Variants in SAMD4B observed in about 807,000 individuals in gnomAD.
SAMD4B encodes the protein sterile alpha motif domain containing 4B, also known as protein Smaug homolog 2.
In SAMD4B, 5 loss-of-function variants were observed where a neutral mutation model predicts 74.5. That is an observed-to-expected ratio of 0.07 (90% CI 0.04 to 0.14). The LOEUF (loss-of-function observed/expected upper bound fraction) is 0.14. Among genes scored for constraint, SAMD4B ranks in the 10% least tolerant of loss-of-function variants. The probability of loss-of-function intolerance (pLI) is 1.00; values close to 1 mark genes in which losing one functional copy is unlikely to be tolerated. For synonymous variants in SAMD4B, 373 were observed against 374.9 expected (o/e 1.00, Z 0.06); for missense variants, 608 against 921.8 (o/e 0.66, Z 4.41).
rs1291361245 is a variant in SAMD4B at position 39,385,486 on chromosome 19, G to A, written c.*1959G>A. 15 of 446,408 alleles carry A rather than the reference G, an allele frequency of 3.4e-5. No individual in the cohort carries two copies. The highest frequency in any genetic ancestry group is 5.1e-5 in the Non-Finnish European group (13 of 254,350). The allele number at this position is 446,408 out of a possible 1,614,324, so 27.7% of individuals were successfully genotyped here. The stretch of plus-strand genomic sequence containing the variant: ...CAGGCGGCCCCACTCTGATGGGCAG[G>A]ACCCTGACCCTCTCCCGCTCCAGCC... On this transcript the variant is annotated 3_prime_UTR_variant, in exon 14 of 14. Coordinates refer to ENST00000610417, the MANE Select transcript of SAMD4B (RefSeq NM_001384574.2).
chr19:39,343,612 C>T (rs959798903), intron 1 of SAMD4B, among the ~76,000 whole-genome samples: 1 of 151,658 alleles, frequency 6.6e-6, no homozygotes, highest in Non-Finnish European at 1.5e-5. Context: ...CTAGAGATCA[C>T]CCTCATGTAG....
intron 8 of SAMD4B, 115 bp downstream of exon 8, chr19:39,377,939 G>T: frequency 2.0e-6 from 2 of 1,025,198 alleles, no homozygotes; most frequent in Non-Finnish European, 2.8e-6. Context: ...AAGCCTACTG[G>T]AGACTGGAAC....
chr19:39,346,068 C>T (rs1031625201), intron 1 of SAMD4B, among the ~76,000 whole-genome samples: 1 of 152,114 alleles, frequency 6.6e-6, no homozygotes, highest in African/African-American at 2.4e-5. Flanking sequence ...GAGCTCTTGG[C>T]ATTTTTTCAA....
chr19:39,366,161 T>C (rs185089211), intron 3 of SAMD4B, among the ~76,000 whole-genome samples: 5 of 152,168 alleles, frequency 3.3e-5, no homozygotes, highest in African/African-American at 4.8e-5. Flanking sequence ...ACTAAAAATA[T>C]AAAAATTAGC....
intron 1 of SAMD4B, chr19:39,350,931 G>GTT (rs2076005099): frequency 6.6e-6 from 1 of 152,112 alleles, no homozygotes; most frequent in African/African-American, 2.4e-5. Context: ...TGTAGAAACG[G>GTT]TTTTGCCATG....
At chr19:39,358,826 T>A (rs773918064) in intron 3 of SAMD4B, among the ~76,000 whole-genome samples, 2 of 152,290 alleles carry the variant, frequency 1.3e-5, no homozygotes, top group Non-Finnish European at 2.9e-5. Context: ...GAAACAAGCA[T>A]GGACTGCTAG....
At chr19:39,356,259 G>T (rs1042274397) in intron 2 of SAMD4B, among the ~76,000 whole-genome samples, 1 of 152,186 alleles carries the variant, frequency 6.6e-6, no homozygotes, top group African/African-American at 2.4e-5. Context: ...TCTCAGAGAA[G>T]GTGGCCAGAA....
At chr19:39,390,262 C>A, downstream of SAMD4B, 2 of 1,613,822 alleles carry the variant, frequency 1.2e-6, no homozygotes, top group South Asian at 1.1e-5. Context: ...GGGCTCACCT[C>A]TCAGGCAGAG....
chr19:39,342,439 G>T lies in SAMD4B; in HGVS notation c.-404G>T. 5.6e-6 allele frequency: 1 copy of T among 179,050 alleles called. No individual in the cohort carries two copies. The highest frequency in any genetic ancestry group is 1.1e-5 in the Non-Finnish European group (1 of 89,356). 11.1% of individuals were successfully genotyped at this position (179,050 alleles called of 1,614,324 possible). On this transcript the variant is annotated 5_prime_UTR_variant, in exon 1 of 14. Coordinates refer to ENST00000610417, the MANE Select transcript of SAMD4B (RefSeq NM_001384574.2). ...GTGACGCACGGCGCGGTGACGCAGC[G>T]CGACGGCGGCGGCGGCGGCGGCGGC...
In SAMD4B at chr19:39,375,822, C is replaced by T. The variant is rs1236055366; in HGVS notation, c.840C>T (p.Gly280=). The T allele has an allele frequency of 6.2e-7, 1 of 1,613,670 alleles. No homozygotes were observed. The highest frequency in any genetic ancestry group is 8.5e-7 in the Non-Finnish European group (1 of 1,180,034). The change falls in exon 5 of 14, where the codon GGC becomes GGT. Residue 280 remains glycine, a synonymous_variant. Transcript: ENST00000610417. The surrounding 1 kb of genome is among the most constrained non-coding windows in gnomAD (Gnocchi z 4.1). ...CCCAGAGCAGCGTGGCCTCCTCTGG[C>T]AGTGAGCAGACAGAGGAGCAGGGCT... ...LSPQSSVASS[G]SEQTEEQGSS...
intron 1 of SAMD4B, chr19:39,351,224 T>A (rs1218334502): frequency 6.6e-6 from 1 of 152,282 alleles, no homozygotes; most frequent in African/African-American, 2.4e-5. Context: ...GCTCAAGCGA[T>A]CCACCCGCCC....
At chr19:39,357,200 G>T in intron 3 of SAMD4B, 111 bp downstream of exon 3, 2 of 919,726 alleles carry the variant, frequency 2.2e-6, no homozygotes, top group South Asian at 2.0e-5. Flanking sequence ...TGGGTTCTAG[G>T]CTTGGTGGGT....
chr19:39,373,825 G>A (rs777213168), intron 4 of SAMD4B, among the ~76,000 whole-genome samples: 2 of 151,982 alleles, frequency 1.3e-5, no homozygotes, highest in Non-Finnish European at 2.9e-5. Context: ...TTAGCCAGGC[G>A]TGGTGGTGGG....
Position 39,372,274 on chromosome 19 carries a change from T to C in SAMD4B, c.667+2149T>C, listed in dbSNP as rs76383458. Among the ~76,000 whole-genome samples, 1,069 of 152,300 alleles carry C rather than the reference T, an allele frequency of 7.0e-3. 8 individuals are homozygous for C. The highest frequency in any genetic ancestry group is 0.024 in the African/African-American group (1,012 of 41,554). On this transcript the variant is annotated intron_variant, in intron 4 of 13. Coordinates refer to ENST00000610417, the MANE Select transcript of SAMD4B (RefSeq NM_001384574.2). ...TAATAACAGTAGCAGAGACTTGTGC[T>C]TACCGTGTGCCTATCCCTCTGCTAA...
chr19:39,357,210 TG>T (rs1337960835), intron 3 of SAMD4B, 121 bp downstream of exon 3: 2 of 785,772 alleles, frequency 2.5e-6, no homozygotes, highest in East Asian at 5.7e-5. Flanking sequence ...GCTTGGTGGG[TG>T]GGGAGTTCCT....
chr19:39,360,628 T>G (rs1363441534), intron 3 of SAMD4B, among the ~76,000 whole-genome samples: 7 of 152,212 alleles, frequency 4.6e-5, no homozygotes. Flanking sequence ...AGGTGCCTCC[T>G]GTTTCACTCC....
chr19:39,390,570 T>C (rs957634931), downstream of SAMD4B, among the ~76,000 whole-genome samples: 1 of 152,190 alleles, frequency 6.6e-6, no homozygotes. Flanking sequence ...TACTCAATCG[T>C]CTTCGGAAGA....
In SAMD4B at chr19:39,377,627, G is replaced by C; in HGVS notation, c.1247G>C (p.Gly416Ala). ...TTPTAKDGAPGEPPLPGAEPP... is the reference protein window; with the variant it reads ...TTPTAKDGAPAEPPLPGAEPP... The stretch of plus-strand genomic sequence containing the variant: ...CCTACTGCCAAGGATGGGGCCCCGG[G>C]GGAACCACCGCTGCCAGGTGCTGAG... The change falls in exon 8 of 14, where the codon GGG becomes GCG. Residue 416 changes from glycine to alanine, a missense_variant. By Grantham distance (60) the Gly-to-Ala change is moderately conservative (BLOSUM62 0). Transcript: ENST00000610417. 1 of 1,614,094 alleles carries C rather than the reference G, an allele frequency of 6.2e-7. No homozygotes were observed.
chr19:39,388,773 C>A, downstream of SAMD4B: 1 of 1,614,032 alleles, frequency 6.2e-7, no homozygotes, highest in Non-Finnish European at 8.5e-7. Flanking sequence ...TAATCATGGC[C>A]TGAGACATCA....
Sources: gnomAD v4.1 joint callset for allele counts (sites outside exome capture counted in the v4.1 genomes callset) on GRCh38, gnomAD v4.1.1 for gene constraint, Gnocchi (gnomAD v3.1) non-coding constraint, MANE v1.5 for transcripts, NCBI Gene and HGNC (gene_info 2026-07-23, HGNC 2026-07-21) for gene names.